Variants in ATXN7L1 observed in about 807,000 individuals in gnomAD.
The protein encoded by ATXN7L1 is ataxin 7 like 1.
Under a neutral mutation model 70.8 loss-of-function variants are expected in ATXN7L1, and 15 were observed. The ratio of observed to expected loss-of-function variants is 0.21; its 90% CI spans 0.14 to 0.33. ATXN7L1 has a LOEUF of 0.33. ATXN7L1 is among the 10% of genes least tolerant of loss of function. The pLI is 1.00. For missense variants in ATXN7L1, 975 were observed against 1,097.1 expected (o/e 0.89, Z 1.57); for synonymous variants, 440 against 445.1 (o/e 0.99, Z 0.14).
At chr7:105,679,621 A>G (rs1009866864) in intron 3 of ATXN7L1, among the ~76,000 whole-genome samples, 1 of 152,192 alleles carries the variant, frequency 6.6e-6, no homozygotes, top group Non-Finnish European at 1.5e-5. Flanking sequence ...ATATTTAGAA[A>G]GTTTGGTCCC....
intron 3 of ATXN7L1, among the ~76,000 whole-genome samples, chr7:105,708,911 C>G (rs536037545): frequency 6.6e-6 from 1 of 152,126 alleles, no homozygotes; most frequent in East Asian, 1.9e-4. Context: ...TTTAGCAGAC[C>G]CAATTCAGAA....
intron 2 of ATXN7L1, among the ~76,000 whole-genome samples, chr7:105,802,035 T>C (rs1211767342): frequency 6.6e-6 from 1 of 152,160 alleles, no homozygotes; most frequent in Non-Finnish European, 1.5e-5. Flanking sequence ...CTTCCTAAGA[T>C]GCTAATGATG....
intron 3 of ATXN7L1, among the ~76,000 whole-genome samples, chr7:105,716,917 T>C (rs1794632641): frequency 6.6e-6 from 1 of 151,654 alleles, no homozygotes; most frequent in African/African-American, 2.4e-5. Context: ...ATTTAAAAAA[T>C]CTAATTATTA....
intron 3 of ATXN7L1, among the ~76,000 whole-genome samples, chr7:105,670,689 C>A (rs1187771227): frequency 2.6e-5 from 4 of 151,026 alleles, no homozygotes; most frequent in Admixed American, 2.6e-4. Context: ...TTTGGCCGGG[C>A]GTGGTGGCTG....
At chr7:105,659,798 C>T (rs1407802149) in intron 4 of ATXN7L1, among the ~76,000 whole-genome samples, 1 of 152,178 alleles carries the variant, frequency 6.6e-6, no homozygotes, top group Non-Finnish European at 1.5e-5. Context: ...CACGTCTACA[C>T]TGATGACTCT....
chr7:105,667,630 C>T (rs1239167479), intron 3 of ATXN7L1, among the ~76,000 whole-genome samples: 5 of 90,006 alleles, frequency 5.6e-5, no homozygotes, highest in Admixed American at 1.4e-4. Context: ...ACCCGGGAGG[C>T]GGAGCTTGCG....
At chr7:105,634,518 A>AT (rs367600774) in intron 7 of ATXN7L1, among the ~76,000 whole-genome samples, 51 of 151,438 alleles carry the variant, frequency 3.4e-4, no homozygotes, top group African/African-American at 1.0e-3. Context: ...TTAGATGAGA[A>AT]TTTTTTTTTC....
chr7:105,775,608 C>T (rs6947195), intron 3 of ATXN7L1, among the ~76,000 whole-genome samples: 37,731 of 152,062 alleles, frequency 0.25, 5,794 homozygotes, highest in African/African-American at 0.42. Context: ...AGGCGAAAAT[C>T]CTGTAGGACA....
chr7:105,638,258 T>C (rs1322749989), intron 7 of ATXN7L1, 95 bp downstream of exon 7: 9 of 1,405,766 alleles, frequency 6.4e-6, no homozygotes, highest in Non-Finnish European at 8.5e-6. Flanking sequence ...TATTATGATT[T>C]CCATTTAACA....
intron 4 of ATXN7L1, among the ~76,000 whole-genome samples, chr7:105,664,687 C>T (rs1802339349): frequency 6.6e-6 from 1 of 151,394 alleles, no homozygotes; most frequent in South Asian, 2.1e-4. Context: ...CTGCTTCAGC[C>T]TCCTGAGTAG....
chr7:105,706,768 C>G (rs529971494), intron 3 of ATXN7L1, among the ~76,000 whole-genome samples: 4 of 152,316 alleles, frequency 2.6e-5, no homozygotes, highest in African/African-American at 9.6e-5. Context: ...AGAGCTATAG[C>G]TCGATCCAAC....
At chr7:105,667,208 G>A (rs1358903118) in intron 3 of ATXN7L1, among the ~76,000 whole-genome samples, 1 of 152,192 alleles carries the variant, frequency 6.6e-6, no homozygotes, top group African/African-American at 2.4e-5. Flanking sequence ...CCTCCTCATG[G>A]CTGACTGGCC....
chr7:105,681,300 T>C (rs1805520344), intron 3 of ATXN7L1, among the ~76,000 whole-genome samples: 2 of 152,080 alleles, frequency 1.3e-5, no homozygotes, highest in South Asian at 4.1e-4. Flanking sequence ...TGGTGGGCAC[T>C]AATGACTCCA....
At chr7:105,800,140 G>A (rs1321407484) in intron 2 of ATXN7L1, among the ~76,000 whole-genome samples, 1 of 152,092 alleles carries the variant, frequency 6.6e-6, no homozygotes, top group African/African-American at 2.4e-5. Context: ...AAATAAGATC[G>A]ATCAGCTAGA....
intron 2 of ATXN7L1, among the ~76,000 whole-genome samples, chr7:105,844,646 T>G (rs1387309013): frequency 1.3e-5 from 2 of 152,164 alleles, no homozygotes; most frequent in African/African-American, 4.8e-5. Flanking sequence ...GATTTAATGC[T>G]TTCTCCCCAA....
At chr7:105,747,635 G>A (rs1351466192) in intron 3 of ATXN7L1, among the ~76,000 whole-genome samples, 1 of 152,242 alleles carries the variant, frequency 6.6e-6, no homozygotes, top group Non-Finnish European at 1.5e-5. Context: ...AGAAATTCTG[G>A]AGGCCCAGAC....
chr7:105,830,597 G>C (rs887090149), intron 2 of ATXN7L1, among the ~76,000 whole-genome samples: 1 of 152,282 alleles, frequency 6.6e-6, no homozygotes, highest in Non-Finnish European at 1.5e-5. Context: ...AGCAAATGAT[G>C]TGGGAAAACA....
chr7:105,853,385 T>C (rs1237913869), intron 2 of ATXN7L1, among the ~76,000 whole-genome samples: 1 of 152,058 alleles, frequency 6.6e-6, no homozygotes, highest in African/African-American at 2.4e-5. Flanking sequence ...AAACCCCATC[T>C]CTACTAAAAA....
Position 105,819,880 on chromosome 7 carries a change from C to G in ATXN7L1, c.251-31172G>C, listed in dbSNP as rs1047774215. ...TGCCCTCAAGGTCATGCATCTGAAG[C>G]CTACAAGAAACTTTGCCTACGTGGG... On this transcript the variant is annotated intron_variant, in intron 2 of 11. Transcript: ENST00000419735. 104 of 583,344 alleles carry G rather than the reference C, an allele frequency of 1.8e-4. 1 individual carries two copies. Among genetic ancestry groups the G allele is most frequent in the Admixed American group, 7.0e-4 (36 of 51,640 alleles). 36.1% of individuals were successfully genotyped at this position (583,344 alleles called of 1,614,324 possible).
Sources: allele counts gnomAD v4.1 joint callset (sites outside exome capture counted in the v4.1 genomes callset), GRCh38; gene constraint gnomAD v4.1.1; transcripts MANE v1.5; gene names NCBI Gene and HGNC (gene_info 2026-07-23, HGNC 2026-07-21).